The following CSMD3 variants were observed in gnomAD, a reference collection of about 807,000 sequenced individuals.
CSMD3 encodes the protein CUB and sushi domain-containing protein 3.
In CSMD3, 177 loss-of-function variants were observed where a neutral mutation model predicts 435.2. The ratio of observed to expected loss-of-function variants is 0.41; its 90% confidence interval spans 0.36 to 0.46. The LOEUF (loss-of-function observed/expected upper bound fraction) is 0.46. Ranked by LOEUF, CSMD3 falls within the 20% of genes least tolerant of loss-of-function variation. The pLI is 0.34. For synonymous variants in CSMD3, 1,656 were observed against 1,520.5 expected (o/e 1.09, Z -2.07); for missense variants, 4,265 against 4,504.6 (o/e 0.95, Z 1.52).
intron 5 of CSMD3, among the ~76,000 whole-genome samples, chr8:113,077,882 GA>G (rs1356797222): frequency 1.3e-5 from 2 of 152,254 alleles, no homozygotes; most frequent in Middle Eastern, 3.4e-3. Flanking sequence ...CATGTTTAAA[GA>G]AAATAAGTAG....
At chr8:112,390,823 T>C (rs775861525) in intron 35 of CSMD3, 35 bp from the exon 36 acceptor site, 2 of 1,600,024 alleles carry the variant, frequency 1.2e-6, no homozygotes, top group South Asian at 1.1e-5. Context: ...GGGAGTTAAT[T>C]CTAATGCAAA....
At position 112,222,947 on chromosome 8, in the gene CSMD3, C is replaced by T. The variant is rs1656289521; in HGVS notation, c.*1824G>A. The T allele has an allele frequency of 2.5e-6, 1 of 395,196 alleles. No homozygotes were observed. Among genetic ancestry groups the T allele is most frequent in the Non-Finnish European group, 4.5e-6 (1 of 223,622 alleles). The allele number at this position is 395,196 out of a possible 1,614,324, so 24.5% of individuals were successfully genotyped here. ...AACACATTTTACAAAAGCAATTATC[C>T]ATTTTTATTTTGTTTACATTGCACT... On this transcript the variant is annotated 3_prime_UTR_variant, in exon 71 of 71. Transcript: ENST00000297405.
intron 27 of CSMD3, among the ~76,000 whole-genome samples, chr8:112,549,533 T>C (rs1563689928): frequency 6.6e-6 from 1 of 152,064 alleles, no homozygotes; most frequent in Non-Finnish European, 1.5e-5. Context: ...GACAATTGTT[T>C]AACTGTATAA....
intron 9 of CSMD3, among the ~76,000 whole-genome samples, chr8:112,935,250 G>A (rs1325320065): frequency 6.6e-6 from 1 of 151,862 alleles, no homozygotes; most frequent in South Asian, 2.1e-4. Flanking sequence ...TGTTCCATTG[G>A]TCTCTCCTTG....
At chr8:113,126,536 G>A (rs1241479619) in intron 4 of CSMD3, among the ~76,000 whole-genome samples, 2 of 151,828 alleles carry the variant, frequency 1.3e-5, no homozygotes, top group African/African-American at 4.8e-5. Context: ...TACCAATCTG[G>A]ATGACATTAA....
At chr8:112,642,743 T>A (rs191488579) in intron 20 of CSMD3, among the ~76,000 whole-genome samples, 218 of 152,186 alleles carry the variant, frequency 1.4e-3, no homozygotes, top group African/African-American at 5.0e-3. Flanking sequence ...AATTGCATAA[T>A]TATAGAATTT....
intron 30 of CSMD3, among the ~76,000 whole-genome samples, chr8:112,493,068 C>A (rs890538085): frequency 6.6e-6 from 1 of 152,010 alleles, no homozygotes. Flanking sequence ...CTTTTTCTAA[C>A]CCAGAAGGAA....
At chr8:112,672,390 C>A (rs2075678755) in intron 16 of CSMD3, among the ~76,000 whole-genome samples, 1 of 152,032 alleles carries the variant, frequency 6.6e-6, no homozygotes, top group African/African-American at 2.4e-5. Flanking sequence ...TTATTGCTTT[C>A]AAAGACTTTC....
At chr8:112,765,872 A>C (rs979678994) in intron 13 of CSMD3, among the ~76,000 whole-genome samples, 2 of 151,692 alleles carry the variant, frequency 1.3e-5, no homozygotes, top group African/African-American at 4.8e-5. Context: ...ACCTGACTCT[A>C]ATATATAATA....
At chr8:112,363,149 A>G (rs1238228318) in intron 38 of CSMD3, among the ~76,000 whole-genome samples, 2 of 152,130 alleles carry the variant, frequency 1.3e-5, no homozygotes, top group Middle Eastern at 3.4e-3. Flanking sequence ...GATGTTTTCT[A>G]TGCCTCAGTT....
chr8:112,451,579 C>T (rs1816278400), intron 32 of CSMD3, among the ~76,000 whole-genome samples: 1 of 151,200 alleles, frequency 6.6e-6, no homozygotes. Context: ...GCTCTTGTTG[C>T]CCAGGGTGGA....
intron 27 of CSMD3, among the ~76,000 whole-genome samples, chr8:112,528,408 T>C (rs1038865481): frequency 5.9e-5 from 9 of 152,022 alleles, no homozygotes; most frequent in Non-Finnish European, 1.2e-4. Context: ...TCAAACACAG[T>C]AAATTCTCAA....
chr8:113,063,449 TTTAA>T (rs1325308348), intron 5 of CSMD3, among the ~76,000 whole-genome samples: 3 of 152,020 alleles, frequency 2.0e-5, no homozygotes, highest in Non-Finnish European at 2.9e-5. Flanking sequence ...TAATATCTAC[TTTAA>T]TTACTGCATT....
intron 4 of CSMD3, among the ~76,000 whole-genome samples, chr8:113,126,905 T>G (rs1430972453): frequency 6.6e-6 from 1 of 151,852 alleles, no homozygotes; most frequent in Non-Finnish European, 1.5e-5. Flanking sequence ...TCCCCTCTCC[T>G]CCTAGATAAT....
rs373360292 is a variant in CSMD3 at position 112,711,110 on chromosome 8, T to C, written c.1973-21060A>G. The stretch of plus-strand genomic sequence containing the variant: ...TAGAGTGGATATTTTAGCAGCATTA[T>C]TGCAATGATAGTAACTGATATAAGT... On this transcript the variant is annotated intron_variant, in intron 13 of 70. Coordinates refer to ENST00000297405, the MANE Select transcript of CSMD3 (RefSeq NM_198123.2). Among the ~76,000 whole-genome samples the C allele has an allele frequency of 3.9e-5, 6 of 152,240 alleles. No individual in the cohort carries two copies. The East Asian group carries it at 9.7e-4, about 25-fold the overall frequency.
chr8:112,491,250 T>C (rs1189776902), intron 31 of CSMD3, among the ~76,000 whole-genome samples: 1 of 151,974 alleles, frequency 6.6e-6, no homozygotes, highest in East Asian at 1.9e-4. Context: ...GCAATTTATA[T>C]CATAGACCAA....
At chr8:113,190,446 T>C (rs755012338) in intron 3 of CSMD3, among the ~76,000 whole-genome samples, 27 of 151,686 alleles carry the variant, frequency 1.8e-4, no homozygotes, top group Non-Finnish European at 3.1e-4. Context: ...ACAGAATGCA[T>C]GGAGAGTTGA....
intron 3 of CSMD3, among the ~76,000 whole-genome samples, chr8:113,222,020 T>TAA (rs1563566169): frequency 3.2e-5 from 2 of 62,102 alleles, no homozygotes; most frequent in Non-Finnish European, 6.2e-5. Flanking sequence ...AGTAAATGCT[T>TAA]TGAAGGTTAA....
At chr8:113,178,019 A>G (rs1039384689) in intron 3 of CSMD3, among the ~76,000 whole-genome samples, 3 of 151,972 alleles carry the variant, frequency 2.0e-5, no homozygotes, top group Non-Finnish European at 4.4e-5. Flanking sequence ...GGTAAGTGAC[A>G]CTGACACTAT....
Sources: allele counts gnomAD v4.1 joint callset (sites outside exome capture counted in the v4.1 genomes callset), GRCh38; gene constraint gnomAD v4.1.1; transcripts MANE v1.5; gene names NCBI Gene and HGNC (gene_info 2026-07-23, HGNC 2026-07-21).